Variants in RBFOX1 observed in about 807,000 individuals in gnomAD.
RBFOX1 encodes RNA binding fox-1 homolog 1, also known as RNA binding protein fox-1 homolog 1.
In RBFOX1, 8 loss-of-function variants were observed where a neutral mutation model predicts 57.7. That is an observed-to-expected ratio of 0.14 (90% CI 0.08 to 0.25). The LOEUF (loss-of-function observed/expected upper bound fraction) is 0.25. RBFOX1 is among the 10% of genes least tolerant of loss of function. The pLI, the probability that RBFOX1 is intolerant of heterozygous loss-of-function variation, is 1.00. For synonymous variants in RBFOX1, 326 were observed against 222.4 expected, an observed-to-expected ratio of 1.47 and a Z score of -4.15; for missense variants, 611 against 548.5, an observed-to-expected ratio of 1.11 and a Z score of -1.14.
intron 4 of RBFOX1, among the ~76,000 whole-genome samples, chr16:7,290,787 A>T (rs961007121): frequency 6.6e-5 from 10 of 152,178 alleles, no homozygotes; most frequent in African/African-American, 2.4e-4. Flanking sequence ...CAAGGAACTC[A>T]CCATTAACAC....
intron 3 of RBFOX1, among the ~76,000 whole-genome samples, chr16:5,664,073 C>G (rs761054904): frequency 6.6e-6 from 1 of 152,216 alleles, no homozygotes; most frequent in African/African-American, 2.4e-5. Context: ...CGTAGAGACC[C>G]ACCCTTCTCG....
chr16:5,307,456 G>A (rs958256425), intron 1 of RBFOX1, among the ~76,000 whole-genome samples: 2 of 152,086 alleles, frequency 1.3e-5, no homozygotes, highest in Admixed American at 1.3e-4. Context: ...AGCAGAGAAG[G>A]ATGTAGAAGA....
chr16:7,230,537 G>T (rs565587798), intron 4 of RBFOX1, among the ~76,000 whole-genome samples: 9 of 152,102 alleles, frequency 5.9e-5, no homozygotes, highest in Non-Finnish European at 1.2e-4. Flanking sequence ...GACAGATTCA[G>T]CCTCCCCAGT....
intron 1 of RBFOX1, among the ~76,000 whole-genome samples, chr16:5,286,132 C>A (rs576894626): frequency 5.3e-5 from 8 of 152,184 alleles, no homozygotes; most frequent in Non-Finnish European, 8.8e-5. Context: ...GCCAGGAAGT[C>A]TTGTCCTTCG....
intron 3 of RBFOX1, among the ~76,000 whole-genome samples, chr16:5,638,875 A>G (rs965144625): frequency 6.6e-6 from 1 of 152,146 alleles, no homozygotes; most frequent in African/African-American, 2.4e-5. Context: ...CCTCTGTGTG[A>G]TAGCCTTCTT....
At position 5,984,973 on chromosome 16, in the gene RBFOX1, TA is replaced by T. The variant is rs1397788882; in HGVS notation, c.351+117639del. Among the ~76,000 whole-genome samples the T allele has an allele frequency of 5.9e-3, 306 of 52,190 alleles. 3 individuals carry two copies. Among genetic ancestry groups the T allele is most frequent in the Admixed American group, 0.027 (121 of 4,412 alleles). 34.2% of individuals were successfully genotyped at this position (52,190 alleles called of 152,430 possible). A position where few individuals can be genotyped will look rare whatever the true frequency, so the allele number is the denominator to read the frequency against. On this transcript the variant is annotated intron_variant, in intron 4 of 19. Transcript: ENST00000641259. ...ATATATATATATATATATATATATA[TA>T]TATTTTTTTTTTTTTTTTTTTTCTT...
intron 2 of RBFOX1, among the ~76,000 whole-genome samples, chr16:6,463,435 A>G (rs891683373): frequency 6.6e-6 from 1 of 152,198 alleles, no homozygotes; most frequent in African/African-American, 2.4e-5. Flanking sequence ...CATAGTAACG[A>G]TAAGAATTCC....
chr16:6,941,150 A>G (rs1465761423), intron 3 of RBFOX1, among the ~76,000 whole-genome samples: 1 of 151,992 alleles, frequency 6.6e-6, no homozygotes, highest in African/African-American at 2.4e-5. Flanking sequence ...GGAGGCAAGA[A>G]TCCTCAGGAA....
chr16:5,360,129 G>C (rs559471687), intron 1 of RBFOX1, among the ~76,000 whole-genome samples: 1 of 152,328 alleles, frequency 6.6e-6, no homozygotes, highest in African/African-American at 2.4e-5. Flanking sequence ...AGACAGTTCT[G>C]GATGTTGCTC....
At chr16:5,315,303 T>G (rs181756784) in intron 1 of RBFOX1, among the ~76,000 whole-genome samples, 1 of 152,160 alleles carries the variant, frequency 6.6e-6, no homozygotes, top group Admixed American at 6.5e-5. Flanking sequence ...AAAATTAGCA[T>G]TTCCATGTTT....
At position 7,386,860 on chromosome 16, in the gene RBFOX1, C is replaced by T. The variant is rs541228602; in HGVS notation, c.28-131287C>T. Among the ~76,000 whole-genome samples the T allele has an allele frequency of 1.1e-4, 17 of 152,268 alleles. No individual in the cohort carries two copies. The South Asian group carries it at 1.7e-3, about 15-fold the overall frequency. On this transcript the variant is annotated intron_variant, in intron 4 of 15. Coordinates refer to ENST00000550418, the MANE Select transcript of RBFOX1 (RefSeq NM_018723.4). ...CTCCTACCAACAGTGTAAAAGTGTTCCTATTTCTCCACATCCTCTCCAGCA... is the reference window on the plus strand; with the variant it reads ...CTCCTACCAACAGTGTAAAAGTGTTTCTATTTCTCCACATCCTCTCCAGCA...
intron 2 of RBFOX1, among the ~76,000 whole-genome samples, chr16:6,513,781 C>T (rs1413743943): frequency 6.6e-6 from 1 of 152,046 alleles, no homozygotes; most frequent in African/African-American, 2.4e-5. Context: ...GAAACCATGA[C>T]ATCATTGTCT....
intron 1 of RBFOX1, among the ~76,000 whole-genome samples, chr16:5,341,798 T>G (rs1281615493): frequency 6.6e-6 from 1 of 152,180 alleles, no homozygotes; most frequent in Non-Finnish European, 1.5e-5. Context: ...AAACACTTTA[T>G]GGAAGGGGAA....
chr16:6,564,433 C>G (rs990938115), intron 2 of RBFOX1, among the ~76,000 whole-genome samples: 1 of 151,994 alleles, frequency 6.6e-6, no homozygotes, highest in Non-Finnish European at 1.5e-5. Context: ...ACACTCCAGC[C>G]TGGGCAACAG....
chr16:6,524,848 A>C (rs965942572), intron 2 of RBFOX1, among the ~76,000 whole-genome samples: 1 of 152,014 alleles, frequency 6.6e-6, no homozygotes, highest in African/African-American at 2.4e-5. Context: ...GTCTGAGTCT[A>C]TGTGTCTCCA....
At chr16:5,845,596 T>C (rs944532726) in intron 3 of RBFOX1, among the ~76,000 whole-genome samples, 4 of 152,238 alleles carry the variant, frequency 2.6e-5, no homozygotes, top group Non-Finnish European at 5.9e-5. Flanking sequence ...CAAATTTCAC[T>C]GTGCTTTTCT....
chr16:5,859,485 A>G (rs1216433976), intron 3 of RBFOX1, among the ~76,000 whole-genome samples: 1 of 152,220 alleles, frequency 6.6e-6, no homozygotes, highest in Non-Finnish European at 1.5e-5. Flanking sequence ...TGGTAGAGTA[A>G]GGACGTATAA....
chr16:6,325,898 A>G (rs1285967624), intron 2 of RBFOX1, among the ~76,000 whole-genome samples: 2 of 152,218 alleles, frequency 1.3e-5, no homozygotes, highest in Non-Finnish European at 2.9e-5. Context: ...ATACCAGCCC[A>G]ACTCCATGCC....
intron 4 of RBFOX1, among the ~76,000 whole-genome samples, chr16:7,149,999 C>T (rs992365864): frequency 6.6e-6 from 1 of 152,120 alleles, no homozygotes; most frequent in Non-Finnish European, 1.5e-5. Flanking sequence ...TGCTAGAACC[C>T]TTCTCCACCT....
Sources: gnomAD v4.1 joint callset for allele counts (sites outside exome capture counted in the v4.1 genomes callset) on GRCh38, gnomAD v4.1.1 for gene constraint, MANE v1.5 for transcripts, NCBI Gene and HGNC (gene_info 2026-07-23, HGNC 2026-07-21) for gene names.